The following PHF20 variants were observed in gnomAD, a reference collection of about 807,000 sequenced individuals.
The protein encoded by PHF20 is PHD finger protein 20.
In PHF20, 23 loss-of-function variants were observed where a neutral mutation model predicts 113.5. That is an observed-to-expected ratio of 0.20 (90% CI 0.15 to 0.29). The LOEUF (loss-of-function observed/expected upper bound fraction) is 0.29, where lower values mean the gene tolerates loss of function less well. PHF20 is among the 10% of genes least tolerant of loss of function. The pLI, the probability that PHF20 is intolerant of heterozygous loss-of-function variation, is 1.00. For missense variants in PHF20, 943 were observed against 1,219.6 expected, an observed-to-expected ratio of 0.77 and a Z score of 3.38; for synonymous variants, 434 against 457.3, an observed-to-expected ratio of 0.95 and a Z score of 0.65.
In PHF20 at chr20:35,877,095, A is replaced by G. The variant is rs559563761; in HGVS notation, c.1282+5266A>G. 9.0e-5 allele frequency among the ~76,000 whole-genome samples: 11 copies of G among 121,662 alleles called. No individual in the cohort carries two copies. The South Asian group carries it at 2.9e-3, about 32-fold the overall frequency. The allele number at this position is 121,662 out of a possible 152,430, so 79.8% of individuals were successfully genotyped here. A position where few individuals can be genotyped will look rare whatever the true frequency, so the allele number is the denominator to read the frequency against. ...GCACTCCAGCCTGGGCGACAGAGTG[A>G]GACTCTGTCTCAAAAAAAAAAAAAA... On this transcript the variant is annotated intron_variant, in intron 9 of 17. Transcript: ENST00000374012.
intron 2 of PHF20, among the ~76,000 whole-genome samples, chr20:35,828,932 A>T (rs2042309760): frequency 6.6e-6 from 1 of 152,206 alleles, no homozygotes; most frequent in African/African-American, 2.4e-5. Flanking sequence ...AAAACAATAA[A>T]CATTTATTAT....
intron 14 of PHF20, 55 bp downstream of exon 14, chr20:35,927,934 G>A: frequency 8.1e-7 from 1 of 1,237,414 alleles, no homozygotes; most frequent in Admixed American, 1.7e-5. Flanking sequence ...CCTTGGCACA[G>A]CTGGCTGTGA....
At chr20:35,886,982 G>T (rs2054745992) in intron 9 of PHF20, among the ~76,000 whole-genome samples, 1 of 152,174 alleles carries the variant, frequency 6.6e-6, no homozygotes, top group African/African-American at 2.4e-5. Context: ...GGCCTTGAAT[G>T]CCAGACTGAG....
intron 1 of PHF20, among the ~76,000 whole-genome samples, chr20:35,783,375 C>T (rs962241064): frequency 6.6e-6 from 1 of 151,918 alleles, no homozygotes; most frequent in Non-Finnish European, 1.5e-5. Flanking sequence ...TGTATTTCAT[C>T]CATAACTTTA....
intron 1 of PHF20, among the ~76,000 whole-genome samples, chr20:35,800,917 C>T (rs1361855207): frequency 6.6e-6 from 1 of 152,056 alleles, no homozygotes; most frequent in Admixed American, 6.6e-5. Context: ...TCTTGAACTC[C>T]TGGGCTCAAA....
At chr20:35,882,808 C>T (rs1302842015) in intron 9 of PHF20, among the ~76,000 whole-genome samples, 2 of 152,116 alleles carry the variant, frequency 1.3e-5, no homozygotes, top group Non-Finnish European at 2.9e-5. Context: ...AGGCAGATCA[C>T]CTGAGGTCAG....
chr20:35,823,493 G>A (rs2042208719), intron 2 of PHF20, among the ~76,000 whole-genome samples: 1 of 150,624 alleles, frequency 6.6e-6, no homozygotes, highest in Non-Finnish European at 1.5e-5. Flanking sequence ...GTGTGGTGGT[G>A]TGTGTCTATA....
At chr20:35,885,467 C>CT (rs577878410) in intron 9 of PHF20, among the ~76,000 whole-genome samples, 780 of 35,432 alleles carry the variant, frequency 0.022, 33 homozygotes, top group Non-Finnish European at 0.026. Context: ...GGGGAATAAG[C>CT]TTTTTTTTTT....
intron 13 of PHF20, among the ~76,000 whole-genome samples, chr20:35,926,069 C>A (rs1352358866): frequency 7.0e-6 from 1 of 143,858 alleles, no homozygotes; most frequent in Non-Finnish European, 1.5e-5. Flanking sequence ...TTGCAGTGAG[C>A]CGAGATTGTC....
intron 9 of PHF20, among the ~76,000 whole-genome samples, chr20:35,890,519 C>A (rs2054829473): frequency 6.6e-6 from 1 of 152,166 alleles, no homozygotes; most frequent in Admixed American, 6.5e-5. Flanking sequence ...TTGTTTTGAG[C>A]AAACAACTGT....
intron 1 of PHF20, among the ~76,000 whole-genome samples, chr20:35,790,000 G>A (rs952160574): frequency 6.6e-6 from 1 of 151,846 alleles, no homozygotes; most frequent in Non-Finnish European, 1.5e-5. Context: ...GATTACAGGC[G>A]TCTGCCACCA....
At chr20:35,869,349 T>C (rs1269560588) in intron 6 of PHF20, 89 bp from the exon 7 acceptor site, 2 of 603,642 alleles carry the variant, frequency 3.3e-6, no homozygotes, top group Non-Finnish European at 5.7e-6. Flanking sequence ...TCTGCATATA[T>C]ATATGTATAT....
intron 2 of PHF20, among the ~76,000 whole-genome samples, chr20:35,828,635 G>T (rs188590846): frequency 3.3e-5 from 5 of 152,306 alleles, no homozygotes; most frequent in Admixed American, 3.3e-4. Context: ...CCCTGAATTA[G>T]ACCTGTACTG....
At chr20:35,890,719 A>G (rs2054833006) in intron 9 of PHF20, among the ~76,000 whole-genome samples, 2 of 152,110 alleles carry the variant, frequency 1.3e-5, no homozygotes, top group African/African-American at 4.8e-5. Flanking sequence ...CATCTCTACT[A>G]AAAATACAAA....
intron 1 of PHF20, among the ~76,000 whole-genome samples, chr20:35,788,245 C>T (rs938530927): frequency 6.6e-5 from 10 of 151,438 alleles, no homozygotes; most frequent in East Asian, 2.0e-4. Context: ...TACAGGCGCC[C>T]GCCACCACGC....
intron 15 of PHF20, among the ~76,000 whole-genome samples, chr20:35,934,442 C>A (rs2055824819): frequency 6.6e-6 from 1 of 152,228 alleles, no homozygotes; most frequent in South Asian, 2.1e-4. Flanking sequence ...AGGATTCCAT[C>A]CGTTGGGTTG....
At chr20:35,918,149 T>G (rs1161416659) in intron 13 of PHF20, among the ~76,000 whole-genome samples, 1 of 152,124 alleles carries the variant, frequency 6.6e-6, no homozygotes, top group Non-Finnish European at 1.5e-5. Context: ...GTGCCTGTGG[T>G]GGGTGGGACC....
chr20:35,877,781 C>T (rs779843636), intron 9 of PHF20, among the ~76,000 whole-genome samples: 8 of 152,122 alleles, frequency 5.3e-5, no homozygotes, highest in Admixed American at 2.0e-4. Context: ...AATAGAAGTA[C>T]AGGTCCATTC....
intron 2 of PHF20, among the ~76,000 whole-genome samples, chr20:35,819,556 C>T (rs1305190173): frequency 6.6e-6 from 1 of 152,012 alleles, no homozygotes; most frequent in Non-Finnish European, 1.5e-5. Flanking sequence ...TTCATAATGT[C>T]CTTAGATCAT....
Sources: allele counts gnomAD v4.1 joint callset (sites outside exome capture counted in the v4.1 genomes callset), GRCh38; gene constraint gnomAD v4.1.1; transcripts MANE v1.5; gene names NCBI Gene and HGNC (gene_info 2026-07-23, HGNC 2026-07-21).